Variants in ROBO1 observed in about 807,000 individuals in gnomAD.
The protein encoded by ROBO1 is roundabout guidance receptor 1.
A neutral mutation model predicts 195.9 loss-of-function variants in ROBO1; 149 were observed. The ratio of observed to expected loss-of-function variants is 0.76; its 90% CI spans 0.67 to 0.87. The LOEUF (loss-of-function observed/expected upper bound fraction) is 0.87. Ranked by LOEUF, ROBO1 falls within the 40% of genes least tolerant of loss-of-function variation. The pLI is 0.00. For missense variants in ROBO1, 1,933 were observed against 2,068.3 expected (o/e 0.93, Z 1.27); for synonymous variants, 816 against 733.2 (o/e 1.11, Z -1.82).
chr3:79,171,515 G>A (rs1403593528), intron 2 of ROBO1, among the ~76,000 whole-genome samples: 1 of 150,460 alleles, frequency 6.6e-6, no homozygotes, highest in East Asian at 1.9e-4. Context: ...TTATAAAACA[G>A]ATTAAACTTA....
chr3:78,638,650 G>C (rs998250118), intron 22 of ROBO1, among the ~76,000 whole-genome samples: 1 of 151,252 alleles, frequency 6.6e-6, no homozygotes, highest in Admixed American at 6.6e-5. Context: ...CAGGAGGGCT[G>C]CCTGAGCCCA....
At position 78,606,877 on chromosome 3, in the gene ROBO1, C is replaced by A. The variant is rs748995062; in HGVS notation, c.4600G>T (p.Val1534Leu). Residue 1534 changes from valine to leucine, a missense_variant, in exon 29 of 31, where the codon GTG (valine) becomes TTG (leucine). Transcript: ENST00000464233. ...RKGSSYKGRE[V>L]LDGRQVVDMR... ...TCAACAACCTGTCTTCCATCCAACA[C>A]TTCTCTCCCCTTGTAACTGCTTCCT... is the stretch of plus-strand genomic sequence containing the variant. The A allele has an allele frequency of 1.2e-6, 2 of 1,613,874 alleles. No individual in the cohort carries two copies. Among genetic ancestry groups the A allele is most frequent in the South Asian group, 2.2e-5 (2 of 91,072 alleles).
At chr3:79,124,304 T>G (rs2080174781) in intron 3 of ROBO1, among the ~76,000 whole-genome samples, 1 of 152,086 alleles carries the variant, frequency 6.6e-6, no homozygotes, top group Non-Finnish European at 1.5e-5. Context: ...GCAAAACAAA[T>G]ATACCAATAT....
intron 2 of ROBO1, among the ~76,000 whole-genome samples, chr3:79,564,297 T>TTA (rs1439635237): frequency 7.9e-5 from 12 of 152,090 alleles, no homozygotes; most frequent in Admixed American, 2.0e-4. Context: ...TAGCCATGGT[T>TTA]TAGCACAGGG....
At chr3:78,885,725 C>T (rs1256952329) in intron 4 of ROBO1, among the ~76,000 whole-genome samples, 2 of 151,086 alleles carry the variant, frequency 1.3e-5, no homozygotes, top group Non-Finnish European at 2.9e-5. Flanking sequence ...GGTTTACTCA[C>T]ATGTGTAATA....
At chr3:79,628,188 T>G (rs1486760644) in intron 1 of ROBO1, among the ~76,000 whole-genome samples, 2 of 152,206 alleles carry the variant, frequency 1.3e-5, no homozygotes, top group African/African-American at 4.8e-5. Context: ...TGTACACATA[T>G]GTTTATTGCA....
intron 28 of ROBO1, among the ~76,000 whole-genome samples, chr3:78,609,274 C>T (rs915076479): frequency 2.6e-5 from 4 of 152,154 alleles, no homozygotes; most frequent in Non-Finnish European, 5.9e-5. Flanking sequence ...TCCCCACCTC[C>T]ATTTCAAATC....
At chr3:79,294,319 G>A (rs2032454187) in intron 2 of ROBO1, among the ~76,000 whole-genome samples, 1 of 151,994 alleles carries the variant, frequency 6.6e-6, no homozygotes, top group Non-Finnish European at 1.5e-5. Flanking sequence ...TCTGATCTTT[G>A]ACAAACCTGA....
chr3:79,050,614 C>T (rs898810749), intron 3 of ROBO1, among the ~76,000 whole-genome samples: 1 of 152,176 alleles, frequency 6.6e-6, no homozygotes, highest in African/African-American at 2.4e-5. Context: ...ACATTCTTCT[C>T]AGCACCGTAT....
chr3:79,671,037 T>C (rs948113683), intron 1 of ROBO1, among the ~76,000 whole-genome samples: 21 of 151,766 alleles, frequency 1.4e-4, no homozygotes, highest in South Asian at 4.1e-4. Flanking sequence ...TGTGAGAAAG[T>C]GGAAAAAAAG....
chr3:79,445,662 A>ATT lies in ROBO1; in HGVS notation c.88+144160_88+144161dup, dbSNP rs375526795. On this transcript the variant is annotated intron_variant, in intron 2 of 30. Transcript: ENST00000464233. Reference sequence around the variant, plus strand: ...CAGGTGCACACCATCAGGCCTGGCAATTTTTTTTTTTTTTTTTGAGACGGA... The same window carrying ATT: ...CAGGTGCACACCATCAGGCCTGGCAATTTTTTTTTTTTTTTTTTTGAGACGGA... Among the ~76,000 whole-genome samples, 265 of 134,098 alleles carry ATT rather than the reference A, an allele frequency of 2.0e-3. 1 individual carries two copies. Among genetic ancestry groups the ATT allele is most frequent in the East Asian group, 5.0e-3 (23 of 4,562 alleles). 88.0% of individuals were successfully genotyped at this position (134,098 alleles called of 152,430 possible). A position where few individuals can be genotyped will look rare whatever the true frequency, so the allele number is the denominator to read the frequency against.
intron 2 of ROBO1, among the ~76,000 whole-genome samples, chr3:79,335,764 A>G (rs370176871): frequency 2.4e-4 from 36 of 152,148 alleles, no homozygotes; most frequent in African/African-American, 8.0e-4. Flanking sequence ...CAACTTTGGG[A>G]ACTGGGTAAC....
At chr3:79,662,616 A>G (rs1471530665) in intron 1 of ROBO1, among the ~76,000 whole-genome samples, 1 of 152,068 alleles carries the variant, frequency 6.6e-6, no homozygotes, top group Non-Finnish European at 1.5e-5. Flanking sequence ...TTACAGGATC[A>G]AAAACTTGCC....
intron 2 of ROBO1, among the ~76,000 whole-genome samples, chr3:79,519,747 A>G (rs1941126256): frequency 1.3e-5 from 2 of 152,160 alleles, no homozygotes; most frequent in South Asian, 4.2e-4. Flanking sequence ...TTAAGCCAGA[A>G]TAGTGGGTCT....
rs2033591628 is a variant in ROBO1 at position 79,313,596 on chromosome 3, A to T, written c.89-188057T>A. 3.3e-5 allele frequency among the ~76,000 whole-genome samples: 5 copies of T among 152,184 alleles called. No individual in the cohort carries two copies. In the South Asian group the frequency reaches 1.0e-3, roughly 32 times the overall value. Reference sequence around the variant, plus strand: ...ATCTGATCTCACCATAAACAGAAAGATTATATATTGATCTTTCAATTATGA... The same window carrying T: ...ATCTGATCTCACCATAAACAGAAAGTTTATATATTGATCTTTCAATTATGA... On this transcript the variant is annotated intron_variant, in intron 2 of 30. Transcript: ENST00000464233.
At chr3:79,166,502 C>T (rs1169417735) in intron 2 of ROBO1, among the ~76,000 whole-genome samples, 1 of 151,468 alleles carries the variant, frequency 6.6e-6, no homozygotes, top group East Asian at 1.9e-4. Context: ...CAACAACTTT[C>T]ATAAAATCTT....
intron 2 of ROBO1, among the ~76,000 whole-genome samples, chr3:79,168,072 T>C (rs553344383): frequency 2.2e-4 from 33 of 152,280 alleles, no homozygotes; most frequent in African/African-American, 6.7e-4. Context: ...AATGTATACT[T>C]TAATATAGAT....
intron 26 of ROBO1, among the ~76,000 whole-genome samples, chr3:78,622,593 T>C (rs1369894164): frequency 1.3e-5 from 2 of 152,174 alleles, no homozygotes; most frequent in African/African-American, 4.8e-5. Flanking sequence ...CCAAATGCTA[T>C]TCTGAAATGA....
intron 2 of ROBO1, among the ~76,000 whole-genome samples, chr3:79,487,863 T>C (rs954418931): frequency 6.6e-6 from 1 of 152,196 alleles, no homozygotes; most frequent in Non-Finnish European, 1.5e-5. Context: ...TGATTATTTA[T>C]ATTTTTTCCC....
Sources: allele counts gnomAD v4.1 joint callset (sites outside exome capture counted in the v4.1 genomes callset), GRCh38; gene constraint gnomAD v4.1.1; transcripts MANE v1.5; gene names NCBI Gene and HGNC (gene_info 2026-07-23, HGNC 2026-07-21).